CLCN4: variants seen among roughly 807,000 people sequenced by gnomAD.
The protein encoded by CLCN4 is Cl-/H+ antiporter 4, also known as H(+)/Cl(-) exchange transporter 4.
CLCN4 carries 1 observed loss-of-function variant against 41.7 expected under a neutral mutation model. The ratio of observed to expected loss-of-function variants is 0.02; its 90% CI spans 0.01 to 0.11. The LOEUF (loss-of-function observed/expected upper bound fraction) is 0.11. CLCN4 is among the 10% of genes least tolerant of loss of function. The pLI, the probability that CLCN4 is intolerant of heterozygous loss-of-function variation, is 1.00. For synonymous variants in CLCN4, 277 were observed against 285.8 expected, an observed-to-expected ratio of 0.97 and a Z score of 0.31; for missense variants, 287 against 661.0, an observed-to-expected ratio of 0.43 and a Z score of 6.20.
chrX:10,211,490 C>T (rs1287716277), intron 9 of CLCN4, among the ~76,000 whole-genome samples: 1 of 110,905 alleles, frequency 9.0e-6, no homozygotes, highest in Non-Finnish European at 1.9e-5. Context: ...AGAAAAGTCT[C>T]CTTTGATGTT....
chrX:10,204,892 A>G (rs942143705), intron 6 of CLCN4, among the ~76,000 whole-genome samples: 1 of 110,780 alleles, frequency 9.0e-6, no homozygotes, highest in Admixed American at 9.6e-5. Flanking sequence ...TGAATTTTAC[A>G]TGACATGGGA....
intron 11 of CLCN4, among the ~76,000 whole-genome samples, chrX:10,217,915 G>A (rs928275190): frequency 2.7e-5 from 3 of 110,714 alleles, no homozygotes; most frequent in Admixed American, 1.9e-4. Flanking sequence ...GCTAATTTTT[G>A]TATTTTTAGT....
At chrX:10,203,472 CT>C (rs1924294439) in intron 6 of CLCN4, among the ~76,000 whole-genome samples, 1 of 111,505 alleles carries the variant, frequency 9.0e-6, no homozygotes, top group African/African-American at 3.3e-5. Flanking sequence ...TCACTGAGTC[CT>C]TCAGGAACAT....
intron 2 of CLCN4, among the ~76,000 whole-genome samples, chrX:10,175,970 CTGTGTGTG>C (rs1207326766): frequency 2.9e-5 from 2 of 68,515 alleles, no homozygotes; most frequent in Non-Finnish European, 5.1e-5. Context: ...CTCTCTCTCT[CTGTGTGTG>C]TGTGTATGTG....
chrX:10,185,061 C>T lies in CLCN4; in HGVS notation c.29C>T (p.Ser10Phe). 8.3e-7 allele frequency: 1 copy of T among 1,209,504 alleles called. No individual in the cohort carries two copies. Residue 10 changes from serine (S) to phenylalanine (F), a missense_variant, in exon 3 of 13, where the codon TCT becomes TTT. Physicochemically the swap from Ser to Phe is radical, Grantham distance 155. This residue lies in a region of CLCN4 where 90 missense variants were observed against 209.8 expected (regional missense o/e 0.43). Transcript: ENST00000380833. ...GTCAATGCGGGAGCGATGAGTGGCT[C>T]TGGAAACCTGATGGATTTCCTCGAT... Reference protein sequence around the residue: MVNAGAMSGSGNLMDFLDEP... With the variant: MVNAGAMSGFGNLMDFLDEP...
At chrX:10,216,404 G>A (rs907828066) in intron 11 of CLCN4, among the ~76,000 whole-genome samples, 14 of 111,569 alleles carry the variant, frequency 1.3e-4, no homozygotes, top group Admixed American at 8.6e-4. Flanking sequence ...TCAAGTTCCT[G>A]GCAAATGGGC....
chrX:10,223,878 C>T (rs1054305865), intron 12 of CLCN4, among the ~76,000 whole-genome samples: 5 of 112,028 alleles, frequency 4.5e-5, no homozygotes, highest in African/African-American at 9.7e-5. Flanking sequence ...CCCAGCTGCT[C>T]GAATTTGAAT....
At chrX:10,221,586 G>A (rs1346520666) in intron 12 of CLCN4, among the ~76,000 whole-genome samples, 1 of 112,132 alleles carries the variant, frequency 8.9e-6, no homozygotes, top group Non-Finnish European at 1.9e-5. Flanking sequence ...GGCTTCCAAG[G>A]CTGCAGTGGC....
intron 2 of CLCN4, among the ~76,000 whole-genome samples, chrX:10,163,628 A>G (rs113494561): frequency 0.05 from 5,527 of 110,220 alleles, 142 homozygotes; most frequent in Middle Eastern, 0.085. Context: ...CTGGTCTCGA[A>G]CTCCTGACCT....
chrX:10,185,678 C>T (rs1035013905), intron 3 of CLCN4, among the ~76,000 whole-genome samples: 1 of 111,372 alleles, frequency 9.0e-6, no homozygotes, highest in Non-Finnish European at 1.9e-5. Flanking sequence ...GGCAGAGGAA[C>T]GGTGAGGATT....
chrX:10,197,355 G>A (rs1602151176), intron 5 of CLCN4, among the ~76,000 whole-genome samples: 1 of 111,733 alleles, frequency 8.9e-6, no homozygotes, highest in African/African-American at 3.3e-5. Context: ...CTGGGCCCCA[G>A]CCGGGAGTGT....
At chrX:10,224,106 A>G (rs1303843791) in intron 12 of CLCN4, among the ~76,000 whole-genome samples, 1 of 111,406 alleles carries the variant, frequency 9.0e-6, no homozygotes, top group Non-Finnish European at 1.9e-5. Context: ...CAATTTATGC[A>G]CGAACCCAAG....
chrX:10,206,592 C>T (rs776524079), intron 7 of CLCN4, 28 bp downstream of exon 7: 8 of 1,201,392 alleles, frequency 6.7e-6, no homozygotes, highest in African/African-American at 3.5e-5. Flanking sequence ...CCATCTGCAG[C>T]GAAACTTTCT....
intron 12 of CLCN4, among the ~76,000 whole-genome samples, chrX:10,233,208 G>A (rs1925166888): frequency 1.8e-5 from 2 of 112,289 alleles, no homozygotes; most frequent in Non-Finnish European, 3.8e-5. Flanking sequence ...TGAATCTGGT[G>A]GCTCCTAAGT....
chrX:10,214,421 C>T (rs1414612429), intron 11 of CLCN4, among the ~76,000 whole-genome samples: 5 of 113,251 alleles, frequency 4.4e-5, no homozygotes, highest in South Asian at 3.5e-4. Context: ...GGCCCTGCTC[C>T]GCTGCTGCCT....
chrX:10,211,158 C>T (rs1223663772), intron 9 of CLCN4, among the ~76,000 whole-genome samples: 4 of 96,958 alleles, frequency 4.1e-5, no homozygotes, highest in African/African-American at 1.2e-4. Context: ...CCCAGCTACT[C>T]GGGAGGCTGA....
At chrX:10,169,695 C>CA (rs1923336224) in intron 2 of CLCN4, among the ~76,000 whole-genome samples, 1 of 110,981 alleles carries the variant, frequency 9.0e-6, no homozygotes, top group African/African-American at 3.3e-5. Flanking sequence ...TGTGACATGG[C>CA]AGTGACTTCA....
At chrX:10,158,795 G>A (rs1199721533) in intron 2 of CLCN4, among the ~76,000 whole-genome samples, 2 of 113,707 alleles carry the variant, frequency 1.8e-5, no homozygotes, top group African/African-American at 3.2e-5. Flanking sequence ...CGAGAAAGCG[G>A]GCAGGGGCCA....
chrX:10,202,404 T>C (rs754854354), intron 6 of CLCN4, among the ~76,000 whole-genome samples: 1 of 109,851 alleles, frequency 9.1e-6, no homozygotes, highest in Non-Finnish European at 1.9e-5. Flanking sequence ...ACCTGGGAGA[T>C]AGAGGTTGCA....
Sources: allele counts gnomAD v4.1 joint callset (sites outside exome capture counted in the v4.1 genomes callset), GRCh38; gene constraint gnomAD v4.1.1; regional missense constraint gnomAD v4.1.1; transcripts MANE v1.5; gene names NCBI Gene and HGNC (gene_info 2026-07-23, HGNC 2026-07-21).